The following NOTCH3 variants were observed in gnomAD, a reference collection of about 807,000 sequenced individuals.
NOTCH3 encodes the protein neurogenic locus notch homolog protein 3.
NOTCH3 carries 86 observed loss-of-function variants against 213.3 expected under a neutral mutation model. The observed-to-expected ratio is 0.40, with a 90% confidence interval of 0.34 to 0.48. The LOEUF is 0.48. Ranked by LOEUF, NOTCH3 falls within the 20% of genes least tolerant of loss-of-function variation. The probability of loss-of-function intolerance (pLI) is 0.57; values close to 1 mark genes in which losing one functional copy is unlikely to be tolerated. For missense variants in NOTCH3, 2,783 were observed against 3,272.6 expected (o/e 0.85, Z 3.65); for synonymous variants, 1,354 against 1,355.9 (o/e 1.00, Z 0.03).
intron 24 of NOTCH3, among the ~76,000 whole-genome samples, chr19:15,174,799 C>G (rs969263051): frequency 2.6e-5 from 4 of 152,106 alleles, no homozygotes; most frequent in African/African-American, 4.8e-5. Flanking sequence ...CTGTTGAACT[C>G]CTGACCTCAG....
rs1332582217 is a variant in NOTCH3 at position 15,161,037 on chromosome 19, G to C, written c.6591C>G (p.Asn2197Lys). The C allele has an allele frequency of 6.5e-7, 1 of 1,540,482 alleles. No individual in the cohort carries two copies. The highest frequency in any genetic ancestry group is 2.4e-5 in the East Asian group (1 of 41,974). ...LPLAPGPQLL[N>K]PGTPVSPQER... ...CCTGCGGGGAGACGGGGGTCCCTGG[G>C]TTGAGCAGCTGGGGTCCCGGCGCCA... The change falls in exon 33 of 33, where the codon AAC (asparagine) becomes AAG (lysine). Residue 2197 changes from asparagine (N) to lysine (K), a missense_variant. Physicochemically the swap from Asn to Lys is moderately conservative, Grantham distance 94. Coordinates refer to ENST00000263388, the MANE Select transcript of NOTCH3 (RefSeq NM_000435.3).
Position 15,165,289 on chromosome 19 carries a change from G to A in NOTCH3, c.5815+79C>T, listed in dbSNP as rs901982820. 9 of 1,440,196 alleles carry A rather than the reference G, an allele frequency of 6.2e-6. No homozygotes were observed. The African/African-American group carries it at 7.0e-5, about 11-fold the overall frequency. 89.2% of individuals were successfully genotyped at this position (1,440,196 alleles called of 1,614,324 possible). ...CTTCAGTGATTGGGTCTCAACATGG[G>A]TATGAATTTGCACCAACATGACCCT... On this transcript the variant is annotated intron_variant, in intron 31 of 32. Coordinates refer to ENST00000263388, the MANE Select transcript of NOTCH3 (RefSeq NM_000435.3). The surrounding 1 kb of genome is among the most constrained non-coding windows in gnomAD (Gnocchi z 4.7).
chr19:15,194,957 CA>C (rs35648748), intron 2 of NOTCH3, among the ~76,000 whole-genome samples: 78,265 of 119,054 alleles, frequency 0.66, 24,935 homozygotes, highest in Non-Finnish European at 0.72. Flanking sequence ...TACTCGATCT[CA>C]AAAAAAAAAA....
At chr19:15,184,658 C>T (rs941445596) in intron 15 of NOTCH3, among the ~76,000 whole-genome samples, 3 of 152,308 alleles carry the variant, frequency 2.0e-5, no homozygotes, top group East Asian at 1.9e-4. Context: ...ATGAGGTCTG[C>T]TCCTCCAGGA....
chr19:15,174,323 C>A lies in NOTCH3; in HGVS notation c.4481G>T (p.Gly1494Val). ...CDQGCNTEECGWDGLDCASEV... is the reference protein window; with the variant it reads ...CDQGCNTEECVWDGLDCASEV... ...GCTGGCACAATCCAGCCCATCCCAG[C>A]CGCACTCCTCCGTGTTGCAGCCCTG... is the stretch of plus-strand genomic sequence containing the variant. The change falls in exon 25 of 33, where the codon GGC becomes GTC. Residue 1494 changes from glycine (G) to valine (V), a missense_variant. By Grantham distance (109) the Gly-to-Val change is moderately radical. This residue lies in a region of NOTCH3 where 636 missense variants were observed against 801.8 expected (regional missense o/e 0.79). Transcript: ENST00000263388. The A allele has an allele frequency of 6.4e-7, 1 of 1,553,280 alleles. No homozygotes were observed. The highest frequency in any genetic ancestry group is 8.7e-7 in the Non-Finnish European group (1 of 1,149,018).
chr19:15,176,658 G>A (rs932998729), intron 24 of NOTCH3, among the ~76,000 whole-genome samples: 2 of 151,284 alleles, frequency 1.3e-5, no homozygotes, highest in Admixed American at 1.3e-4. Context: ...AGCTCCTAGG[G>A]AGGCTGAGGT....
intron 20 of NOTCH3, 30 bp from the exon 21 acceptor site, chr19:15,179,526 A>G (rs771419993): frequency 1.2e-6 from 2 of 1,612,796 alleles, no homozygotes; most frequent in South Asian, 1.1e-5. Flanking sequence ...GGACCCACTC[A>G]GCTTAGTGGG....
chr19:15,194,031 GA>G (rs2046951959), intron 2 of NOTCH3, among the ~76,000 whole-genome samples: 1 of 152,024 alleles, frequency 6.6e-6, no homozygotes, highest in South Asian at 2.1e-4. Context: ...GCAGTAAGCC[GA>G]GATCGTGCCA....
At chr19:15,184,006 G>T (rs1213923552) in intron 16 of NOTCH3, among the ~76,000 whole-genome samples, 2 of 125,278 alleles carry the variant, frequency 1.6e-5, no homozygotes, top group African/African-American at 3.2e-5. Flanking sequence ...TTGCAACACT[G>T]CACTCCAGCG....
chr19:15,179,105 G>A lies in NOTCH3; in HGVS notation c.3638C>T (p.Ala1213Val), dbSNP rs759671803. Reference sequence around the variant, plus strand: ...GTCCCGGGTGTGTGCCGCGTGGCAGGCACCTGAGCGACACTCATTGATGTC... The same window carrying A: ...GTCCCGGGTGTGTGCCGCGTGGCAGACACCTGAGCGACACTCATTGATGTC... ...EADINECRSG[A>V]CHAAHTRDCL... Residue 1213 changes from alanine to valine, a missense_variant, in exon 22 of 33, where the codon GCC becomes GTC. Physicochemically the swap from Ala to Val is moderately conservative, Grantham distance 64. Coordinates refer to ENST00000263388, the MANE Select transcript of NOTCH3 (RefSeq NM_000435.3). The A allele has an allele frequency of 6.2e-7, 1 of 1,614,196 alleles. No individual in the cohort carries two copies. Among genetic ancestry groups the A allele is most frequent in the South Asian group, 1.1e-5 (1 of 91,092 alleles).
In NOTCH3 at chr19:15,185,622, C is replaced by A. The variant is rs752546765; in HGVS notation, c.2009G>T (p.Gly670Val). The change falls in exon 13 of 33, where the codon GGT becomes GTT. Residue 670 changes from glycine to valine, a missense_variant. Coordinates refer to ENST00000263388, the MANE Select transcript of NOTCH3 (RefSeq NM_000435.3). This position sits in a 1 kb window ranked among gnomAD's most constrained non-coding sequence, Gnocchi z 4.2. ...GCCATTTTCCCCATCCACACAGGAACCTCCCTCGCCGCATGGGCTGGAAGC... is the reference window on the plus strand; with the variant it reads ...GCCATTTTCCCCATCCACACAGGAAACTCCCTCGCCGCATGGGCTGGAAGC... ...ECASSPCGEGGSCVDGENGFR... is the reference protein window; with the variant it reads ...ECASSPCGEGVSCVDGENGFR... The A allele has an allele frequency of 2.5e-6, 4 of 1,613,624 alleles. No individual in the cohort carries two copies. The South Asian group carries it at 3.3e-5, about 13-fold the overall frequency.
intron 16 of NOTCH3, among the ~76,000 whole-genome samples, chr19:15,183,872 G>A (rs970907526): frequency 5.9e-5 from 9 of 151,766 alleles, no homozygotes; most frequent in Admixed American, 1.3e-4. Context: ...GCAACATGGC[G>A]AAACTCCGTC....
At position 15,180,098 on chromosome 19, in the gene NOTCH3, C is replaced by T. The variant is rs1217443586; in HGVS notation, c.3301G>A (p.Gly1101Ser). ...TCACACATGTAGCCCCCCATATAGC[C>T]ACGGCAGGTCCCCCCATGCTGGCAG... is the stretch of plus-strand genomic sequence containing the variant. ...QPCQHGGTCR[G>S]YMGGYMCECL... Residue 1101 changes from glycine to serine, a missense_variant, in exon 20 of 33, where the codon GGC becomes AGC. Transcript: ENST00000263388. The T allele has an allele frequency of 6.2e-6, 10 of 1,612,176 alleles. No individual in the cohort carries two copies. In the African/African-American group the frequency reaches 9.4e-5, roughly 15 times the overall value.
At position 15,185,228 on chromosome 19, in the gene NOTCH3, G is replaced by C; in HGVS notation, c.2296+29C>G. ...GATGAGAAGGCCCATGGTGTTGGTG[G>C]GGCTGCAGAGGGAAGGTGAGGTACA... On this transcript the variant is annotated intron_variant, in intron 14 of 32. Transcript: ENST00000263388. The surrounding 1 kb of genome is among the most constrained non-coding windows in gnomAD (Gnocchi z 4.2). 6.2e-7 allele frequency: 1 copy of C among 1,612,228 alleles called. No individual in the cohort carries two copies. The highest frequency in any genetic ancestry group is 1.1e-5 in the South Asian group (1 of 91,038).
Position 15,187,420 on chromosome 19 carries a change from CTCTA to C in NOTCH3, c.1607-86_1607-83del, listed in dbSNP as rs1468755713. The C allele has an allele frequency of 7.6e-5, 98 of 1,282,704 alleles. 1 individual carries two copies. In the South Asian group the frequency reaches 8.5e-4, roughly 11 times the overall value. The allele number at this position is 1,282,704 out of a possible 1,614,324, so 79.5% of individuals were successfully genotyped here. A position where few individuals can be genotyped will look rare whatever the true frequency, so the allele number is the denominator to read the frequency against. On this transcript the variant is annotated intron_variant, in intron 10 of 32. Transcript: ENST00000263388. ...AGGCCTCGGACCAATCCTGGTTCAG[CTCTA>C]TCTGAGGCCCTGCCCATCAAGCTGT...
Position 15,170,103 on chromosome 19 carries a change from C to T in NOTCH3, c.5182G>A (p.Glu1728Lys). Residue 1728 changes from glutamate to lysine, a missense_variant, in exon 28 of 33, where the codon GAG (glutamate) becomes AAG (lysine). By Grantham distance (56) the Glu-to-Lys change is moderately conservative (BLOSUM62 1). Coordinates refer to ENST00000263388, the MANE Select transcript of NOTCH3 (RefSeq NM_000435.3). Reference protein sequence around the residue: ...ATDWMDTECPEAKRLKVEEPG... With the variant: ...ATDWMDTECPKAKRLKVEEPG... ...GGCAGTACCTTTAGCCGCTTGGCCTCTGGGCACTCTGTGTCCATCCAGTCT... is the reference window on the plus strand; with the variant it reads ...GGCAGTACCTTTAGCCGCTTGGCCTTTGGGCACTCTGTGTCCATCCAGTCT... 8 of 1,595,408 alleles carry T rather than the reference C, an allele frequency of 5.0e-6. No individual in the cohort carries two copies. The highest frequency in any genetic ancestry group is 6.8e-6 in the Non-Finnish European group (8 of 1,170,074).
At position 15,176,801 on chromosome 19, in the gene NOTCH3, G is replaced by T. The variant is rs527507205; in HGVS notation, c.4403+724C>A. On this transcript the variant is annotated intron_variant, in intron 24 of 32. Transcript: ENST00000263388. ...AAAAAAAAAAAAAGGAGCCAGGTGC[G>T]GTGGCTCACACCTGTAATCCCAGCA... is the stretch of plus-strand genomic sequence containing the variant. Among the ~76,000 whole-genome samples the T allele has an allele frequency of 4.0e-5, 6 of 149,568 alleles. No homozygotes were observed. In the South Asian group the frequency reaches 1.1e-3, roughly 26 times the overall value.
intron 29 of NOTCH3, among the ~76,000 whole-genome samples, 197 bp downstream of exon 29, chr19:15,167,052 T>G (rs2046691900): frequency 6.6e-6 from 1 of 152,226 alleles, no homozygotes; most frequent in African/African-American, 2.4e-5. Flanking sequence ...TTAAATGAGT[T>G]GATAAATCCC....
intron 24 of NOTCH3, among the ~76,000 whole-genome samples, chr19:15,175,548 A>AC (rs1328121945): frequency 5.1e-5 from 3 of 58,902 alleles, no homozygotes; most frequent in African/African-American, 1.8e-4. Context: ...AAAAAAAAAA[A>AC]AAAAATACAT....
Sources: allele counts gnomAD v4.1 joint callset (sites outside exome capture counted in the v4.1 genomes callset), GRCh38; gene constraint gnomAD v4.1.1; regional missense constraint gnomAD v4.1.1; non-coding constraint Gnocchi (gnomAD v3.1); transcripts MANE v1.5; gene names NCBI Gene and HGNC (gene_info 2026-07-23, HGNC 2026-07-21).